The following ANKH variants were observed in gnomAD, a reference collection of about 807,000 sequenced individuals.
ANKH encodes the protein ANKH inorganic pyrophosphate transport regulator.
Under a neutral mutation model 49.0 loss-of-function variants are expected in ANKH, and 15 were observed. The ratio of observed to expected loss-of-function variants is 0.31; its 90% CI spans 0.20 to 0.47. The LOEUF is 0.47. Among genes scored for constraint, ANKH ranks in the 20% least tolerant of loss-of-function variants. The pLI, the probability that ANKH is intolerant of heterozygous loss-of-function variation, is 1.00. For synonymous variants in ANKH, 273 were observed against 260.0 expected, an observed-to-expected ratio of 1.05 and a Z score of -0.48; for missense variants, 429 against 652.0, an observed-to-expected ratio of 0.66 and a Z score of 3.72.
In ANKH at chr5:14,725,872, A is replaced by T. The variant is rs1455792035; in HGVS notation, c.1012-9037T>A. On this transcript the variant is annotated intron_variant, in intron 8 of 11. Transcript: ENST00000284268. This position sits in a 1 kb window ranked among gnomAD's most constrained non-coding sequence, Gnocchi z 4.0. ...GAGATTCTCCCGCCTCAGCCTCCTGAGTAGCTGGGACTACAGGTACGTGCC... is the reference window on the plus strand; with the variant it reads ...GAGATTCTCCCGCCTCAGCCTCCTGTGTAGCTGGGACTACAGGTACGTGCC... 6.6e-6 allele frequency among the ~76,000 whole-genome samples: 1 copy of T among 152,224 alleles called. No individual in the cohort carries two copies. Among genetic ancestry groups the T allele is most frequent in the Non-Finnish European group, 1.5e-5 (1 of 68,038 alleles).
chr5:14,748,389 G>A lies in ANKH; in HGVS notation c.822+783C>T, dbSNP rs186183380. Among the ~76,000 whole-genome samples the A allele has an allele frequency of 8.5e-5, 13 of 152,354 alleles. No homozygotes were observed. The East Asian group carries it at 9.6e-4, about 11-fold the overall frequency. ...GACAGCGCAGTAAGGGCTCCGGGCC[G>A]CTCCCCTCAAGGCAGTGCCTGGACA... On this transcript the variant is annotated intron_variant, in intron 6 of 11. Coordinates refer to ENST00000284268, the MANE Select transcript of ANKH (RefSeq NM_054027.6).
intron 1 of ANKH, among the ~76,000 whole-genome samples, chr5:14,779,308 T>C (rs1406618897): frequency 6.6e-6 from 1 of 152,192 alleles, no homozygotes. Flanking sequence ...TTCCCATCAA[T>C]GTTTACACAG....
chr5:14,785,493 G>A (rs950836311), intron 1 of ANKH, among the ~76,000 whole-genome samples: 22 of 152,158 alleles, frequency 1.4e-4, no homozygotes, highest in African/African-American at 5.3e-4. Flanking sequence ...GCTTCCTGAG[G>A]CCTCTGCAGA....
intron 4 of ANKH, 78 bp downstream of exon 4, chr5:14,755,783 G>A: frequency 3.0e-6 from 4 of 1,341,496 alleles, no homozygotes; most frequent in Non-Finnish European, 4.3e-6. Context: ...CACAGTGAAT[G>A]AATATAAATC....
intron 1 of ANKH, among the ~76,000 whole-genome samples, chr5:14,793,928 C>T (rs538772776): frequency 2.0e-5 from 3 of 152,350 alleles, no homozygotes; most frequent in South Asian, 2.1e-4. Context: ...AAATGTTTTT[C>T]TCTAAGTAGA....
At chr5:14,748,700 G>A (rs956382563) in intron 6 of ANKH, among the ~76,000 whole-genome samples, 4 of 152,228 alleles carry the variant, frequency 2.6e-5, no homozygotes, top group Non-Finnish European at 4.4e-5. Context: ...GGCAGGTGAG[G>A]GCAGGCCGGG....
rs533649633 is a variant in ANKH at position 14,754,177 on chromosome 5, A to T, written c.516+1684T>A. Among the ~76,000 whole-genome samples the T allele has an allele frequency of 1.8e-4, 27 of 152,322 alleles. 1 individual carries two copies. In the South Asian group the frequency reaches 5.2e-3, roughly 29 times the overall value. ...CACTAACCAGATCTGTTTATTCTAA[A>T]CTTGCAGGCCTTCCCTCAACAGGCA... On this transcript the variant is annotated intron_variant, in intron 4 of 11. Coordinates refer to ENST00000284268, the MANE Select transcript of ANKH (RefSeq NM_054027.6).
rs961955756 is a variant in ANKH at position 14,725,858 on chromosome 5, G to T, written c.1012-9023C>A. Among the ~76,000 whole-genome samples the T allele has an allele frequency of 6.6e-6, 1 of 152,194 alleles. No homozygotes were observed. On this transcript the variant is annotated intron_variant, in intron 8 of 11. Coordinates refer to ENST00000284268, the MANE Select transcript of ANKH (RefSeq NM_054027.6). This position sits in a 1 kb window ranked among gnomAD's most constrained non-coding sequence, Gnocchi z 4.0. ...CTTCCCGGGTTCAAGAGATTCTCCC[G>T]CCTCAGCCTCCTGAGTAGCTGGGAC...
intron 2 of ANKH, 133 bp downstream of exon 2, chr5:14,768,842 C>G: frequency 1.0e-6 from 1 of 1,003,044 alleles, no homozygotes; most frequent in Non-Finnish European, 1.6e-6. Context: ...TTCCTTCTAT[C>G]CCCTGAAAAT....
intron 1 of ANKH, among the ~76,000 whole-genome samples, chr5:14,849,774 C>T (rs1398485181): frequency 6.6e-6 from 1 of 152,232 alleles, no homozygotes; most frequent in African/African-American, 2.4e-5. Flanking sequence ...TGAGAATACA[C>T]ACTTGTTAAG....
Position 14,758,561 on chromosome 5 carries a change from C to T in ANKH, c.351G>A (p.Leu117=). ...TCCCCACCGACTCGTCCACATGGTG[C>T]AGTTTATTGATAATGTAGTATCCTA... is the stretch of plus-strand genomic sequence containing the variant. ...SDLGYYIINK[L]HHVDESVGSK... is the part of the protein sequence containing the mutation. Residue 117 remains leucine (L), a synonymous_variant, in exon 3 of 12, where the codon CTG becomes CTA. Transcript: ENST00000284268. 1.2e-6 allele frequency: 2 copies of T among 1,614,080 alleles called. No homozygotes were observed. Among genetic ancestry groups the T allele is most frequent in the Non-Finnish European group, 1.7e-6 (2 of 1,179,944 alleles).
At chr5:14,798,794 C>T (rs2126557626) in intron 1 of ANKH, among the ~76,000 whole-genome samples, 1 of 152,292 alleles carries the variant, frequency 6.6e-6, no homozygotes, top group East Asian at 1.9e-4. Context: ...TCCCTTCTCC[C>T]TTGCCTCCAG....
In ANKH at chr5:14,813,832, C is replaced by A. The variant is rs1740955496; in HGVS notation, c.97-44641G>T. On this transcript the variant is annotated intron_variant, in intron 1 of 11. Coordinates refer to ENST00000284268, the MANE Select transcript of ANKH (RefSeq NM_054027.6). ...TCAGAACCCATTAAGGACTCTTACC[C>A]CTACAACATGAGGCTAAACTCATGC... Among the ~76,000 whole-genome samples, 2 of 152,136 alleles carry A rather than the reference C, an allele frequency of 1.3e-5. 1 individual carries two copies. The highest frequency in any genetic ancestry group is 4.8e-5 in the African/African-American group (2 of 41,436).
intron 1 of ANKH, among the ~76,000 whole-genome samples, chr5:14,776,300 T>C (rs191095220): frequency 6.6e-6 from 1 of 152,138 alleles, no homozygotes; most frequent in Non-Finnish European, 1.5e-5. Flanking sequence ...AGATGCCCAT[T>C]AGGATTCCAA....
At chr5:14,751,718 C>CA (rs1738726897) in intron 4 of ANKH, among the ~76,000 whole-genome samples, 1 of 151,740 alleles carries the variant, frequency 6.6e-6, no homozygotes, top group Admixed American at 6.6e-5. Flanking sequence ...AAAAAACAAA[C>CA]AAAAAAACAC....
At chr5:14,856,729 C>A (rs1735270060) in intron 1 of ANKH, among the ~76,000 whole-genome samples, 1 of 152,122 alleles carries the variant, frequency 6.6e-6, no homozygotes, top group Non-Finnish European at 1.5e-5. Context: ...TTGATTTTCC[C>A]TAAATATCAC....
At position 14,713,033 on chromosome 5, in the gene ANKH, G is replaced by A. The variant is rs964650963; in HGVS notation, c.1266-60C>T. 5.6e-5 allele frequency: 84 copies of A among 1,505,856 alleles called. No individual in the cohort carries two copies. In the South Asian group the frequency reaches 7.9e-4, roughly 14 times the overall value. 93.3% of individuals were successfully genotyped at this position (1,505,856 alleles called of 1,614,324 possible). A position where few individuals can be genotyped will look rare whatever the true frequency, so the allele number is the denominator to read the frequency against. ...AAGGCCAAGTCAAGGCACAACCGTC[G>A]ATGCCAAAACCCAGGAAAGTAAGTG... On this transcript the variant is annotated intron_variant, in intron 10 of 11. Coordinates refer to ENST00000284268, the MANE Select transcript of ANKH (RefSeq NM_054027.6). This position sits in a 1 kb window ranked among gnomAD's most constrained non-coding sequence, Gnocchi z 4.4.
intron 1 of ANKH, among the ~76,000 whole-genome samples, chr5:14,847,145 T>TA (rs1261545593): frequency 6.6e-6 from 1 of 152,108 alleles, no homozygotes; most frequent in Non-Finnish European, 1.5e-5. Context: ...AGTAAACTAC[T>TA]AAAGACACAG....
intron 1 of ANKH, among the ~76,000 whole-genome samples, chr5:14,859,656 C>G (rs73750118): frequency 0.025 from 3,759 of 152,262 alleles, 144 homozygotes; most frequent in African/African-American, 0.084. Context: ...GGAATCAGAA[C>G]AGTGGTTGAC....
Sources: gnomAD v4.1 joint callset for allele counts (sites outside exome capture counted in the v4.1 genomes callset) on GRCh38, gnomAD v4.1.1 for gene constraint, Gnocchi (gnomAD v3.1) non-coding constraint, MANE v1.5 for transcripts, NCBI Gene and HGNC (gene_info 2026-07-23, HGNC 2026-07-21) for gene names.